GRIK2: variants seen among roughly 807,000 people sequenced by gnomAD.
The protein encoded by GRIK2 is glutamate ionotropic receptor kainate type subunit 2.
A neutral mutation model predicts 100.3 loss-of-function variants in GRIK2; 32 were observed. The ratio of observed to expected loss-of-function variants is 0.32; its 90% confidence interval spans 0.24 to 0.43. GRIK2 has a LOEUF of 0.43. GRIK2 is among the 20% of genes least tolerant of loss of function. GRIK2 has a pLI of 1.00. For missense variants in GRIK2, 843 were observed against 1,114.9 expected (o/e 0.76, Z 3.47); for synonymous variants, 417 against 389.4 (o/e 1.07, Z -0.83).
chr6:101,765,724 C>T (rs555203607), intron 7 of GRIK2, among the ~76,000 whole-genome samples: 17 of 152,112 alleles, frequency 1.1e-4, no homozygotes, highest in Middle Eastern at 3.4e-3. Flanking sequence ...CTCCACGAAG[C>T]GGAAATTAAT....
intron 14 of GRIK2, among the ~76,000 whole-genome samples, chr6:101,960,048 GTTTTGTTT>G (rs1792191531): frequency 8.5e-6 from 1 of 118,266 alleles, no homozygotes; most frequent in African/African-American, 3.6e-5. Context: ...TTTTTTTAGT[GTTTTGTTT>G]TTTTTTTTTT....
rs550895159 is a variant in GRIK2 at position 101,823,898 on chromosome 6, C to T, written c.1317+5415C>T. Among the ~76,000 whole-genome samples the T allele has an allele frequency of 4.9e-5, 7 of 143,884 alleles. 1 individual carries two copies. Among genetic ancestry groups the T allele is most frequent in the African/African-American group, 1.3e-4 (5 of 39,322 alleles). The allele number at this position is 143,884 out of a possible 152,430, so 94.4% of individuals were successfully genotyped here. Reference sequence around the variant, plus strand: ...TTTGTTTTTTTTTTTGATGGAGTCTCGCTCTGTCGCCCAGGCTGCAGTGCA... The same window carrying T: ...TTTGTTTTTTTTTTTGATGGAGTCTTGCTCTGTCGCCCAGGCTGCAGTGCA... On this transcript the variant is annotated intron_variant, in intron 10 of 16. Coordinates refer to ENST00000369134, the MANE Select transcript of GRIK2 (RefSeq NM_021956.5).
chr6:101,511,047 CT>C (rs1774290117), intron 2 of GRIK2, among the ~76,000 whole-genome samples: 1 of 152,126 alleles, frequency 6.6e-6, no homozygotes, highest in Admixed American at 6.5e-5. Context: ...ACTTGTAGGA[CT>C]TTTTACAAAC....
chr6:101,898,675 T>C (rs1787641247), intron 12 of GRIK2, among the ~76,000 whole-genome samples: 1 of 152,032 alleles, frequency 6.6e-6, no homozygotes, highest in South Asian at 2.1e-4. Flanking sequence ...CTACGTGTTA[T>C]AAAGCTAGTC....
chr6:102,006,103 G>A (rs1305344721), intron 14 of GRIK2, among the ~76,000 whole-genome samples: 1 of 151,858 alleles, frequency 6.6e-6, no homozygotes, highest in Non-Finnish European at 1.5e-5. Flanking sequence ...GGGTTAGGAC[G>A]TCAACAAATG....
chr6:101,625,870 G>T (rs1464670468), intron 3 of GRIK2, among the ~76,000 whole-genome samples: 1 of 152,152 alleles, frequency 6.6e-6, no homozygotes, highest in Non-Finnish European at 1.5e-5. Context: ...GCTATAGCAG[G>T]TTTTGTGTGG....
At chr6:101,784,844 C>A (rs1779324627) in intron 7 of GRIK2, among the ~76,000 whole-genome samples, 2 of 152,090 alleles carry the variant, frequency 1.3e-5, no homozygotes, top group Non-Finnish European at 2.9e-5. Flanking sequence ...TCAATTAAAC[C>A]TCTTTTGTTT....
At chr6:101,668,159 C>T (rs1770168655) in intron 4 of GRIK2, among the ~76,000 whole-genome samples, 1 of 152,104 alleles carries the variant, frequency 6.6e-6, no homozygotes, top group Non-Finnish European at 1.5e-5. Flanking sequence ...GCTTTCTTTT[C>T]CTCCTCTGAG....
chr6:101,485,357 A>T (rs935356453), intron 2 of GRIK2, among the ~76,000 whole-genome samples: 23 of 152,176 alleles, frequency 1.5e-4, no homozygotes, highest in Non-Finnish European at 2.6e-4. Flanking sequence ...TTTCTTTTGC[A>T]TTGCATTATA....
intron 2 of GRIK2, among the ~76,000 whole-genome samples, chr6:101,481,348 TAG>T (rs1772519786): frequency 1.3e-5 from 2 of 152,174 alleles, no homozygotes; most frequent in African/African-American, 2.4e-5. Context: ...TTGCTATAAT[TAG>T]AGTGACCATT....
At chr6:101,739,842 A>G (rs940384957) in intron 7 of GRIK2, among the ~76,000 whole-genome samples, 8 of 151,938 alleles carry the variant, frequency 5.3e-5, no homozygotes, top group Non-Finnish European at 7.4e-5. Context: ...ACCTCACACA[A>G]TTTTCTGTAA....
chr6:101,854,234 C>T (rs1582386185), intron 10 of GRIK2, among the ~76,000 whole-genome samples: 1 of 151,926 alleles, frequency 6.6e-6, no homozygotes, highest in Non-Finnish European at 1.5e-5. Flanking sequence ...TGCTGTGAAC[C>T]TAAAATTGCT....
At chr6:101,678,147 G>T (rs190964437) in intron 5 of GRIK2, among the ~76,000 whole-genome samples, 12 of 152,066 alleles carry the variant, frequency 7.9e-5, no homozygotes, top group Middle Eastern at 3.4e-3. Flanking sequence ...ACAGAGCTTT[G>T]GCTGCTTTCT....
chr6:101,786,795 C>G (rs1185214873), intron 7 of GRIK2, among the ~76,000 whole-genome samples: 1 of 152,014 alleles, frequency 6.6e-6, no homozygotes, highest in African/African-American at 2.4e-5. Flanking sequence ...GCTGTTGTGT[C>G]CTTGTCTGCT....
intron 10 of GRIK2, among the ~76,000 whole-genome samples, chr6:101,825,216 A>G (rs943887101): frequency 6.6e-6 from 1 of 152,140 alleles, no homozygotes; most frequent in African/African-American, 2.4e-5. Flanking sequence ...CTCCAACCCC[A>G]TTCCTACAAT....
chr6:101,804,588 G>A (rs1780870985), intron 9 of GRIK2, among the ~76,000 whole-genome samples: 1 of 151,942 alleles, frequency 6.6e-6, no homozygotes, highest in Admixed American at 6.6e-5. Context: ...AAATGGAGGA[G>A]CCAGGTAGGA....
chr6:101,714,690 G>T (rs374244167), intron 7 of GRIK2, among the ~76,000 whole-genome samples: 1 of 151,542 alleles, frequency 6.6e-6, no homozygotes, highest in African/African-American at 2.4e-5. Context: ...TTATCATTTC[G>T]CTTCTTAATT....
chr6:102,045,720 C>T (rs191297240), intron 15 of GRIK2, among the ~76,000 whole-genome samples: 1 of 152,148 alleles, frequency 6.6e-6, no homozygotes, highest in East Asian at 1.9e-4. Context: ...ACAGACACCT[C>T]ATCAAAGGAA....
intron 4 of GRIK2, among the ~76,000 whole-genome samples, chr6:101,647,018 T>G (rs958482059): frequency 1.3e-5 from 2 of 151,984 alleles, no homozygotes; most frequent in African/African-American, 2.4e-5. Flanking sequence ...TTTCTCGTTT[T>G]TCTGTTTTCA....
Sources: allele counts gnomAD v4.1 joint callset (sites outside exome capture counted in the v4.1 genomes callset), GRCh38; gene constraint gnomAD v4.1.1; transcripts MANE v1.5; gene names NCBI Gene and HGNC (gene_info 2026-07-23, HGNC 2026-07-21).